The following PINX1 variants were observed in gnomAD, a reference collection of about 807,000 sequenced individuals.
PINX1 encodes PIN2 (TERF1) interacting telomerase inhibitor 1.
In PINX1, 34 loss-of-function variants were observed where a neutral mutation model predicts 25.4. That is an observed-to-expected ratio of 1.34 (90% CI 1.02 to 1.78). The LOEUF is 1.78. Ranked by LOEUF, PINX1 falls within the 40% of genes most tolerant of loss-of-function variation. The probability of loss-of-function intolerance (pLI) is 0.00; values close to 1 mark genes in which losing one functional copy is unlikely to be tolerated. For synonymous variants in PINX1, 197 were observed against 147.7 expected, an observed-to-expected ratio of 1.33 and a Z score of -2.42; for missense variants, 592 against 404.9, an observed-to-expected ratio of 1.46 and a Z score of -3.97.
At chr8:10,803,620 A>G (rs902108570) in intron 6 of PINX1, among the ~76,000 whole-genome samples, 1 of 152,184 alleles carries the variant, frequency 6.6e-6, no homozygotes, top group Admixed American at 6.5e-5. Context: ...TTTTCTGTGA[A>G]TGAAAAATAC....
intron 6 of PINX1, among the ~76,000 whole-genome samples, chr8:10,812,053 A>G (rs1261951659): frequency 6.6e-6 from 1 of 152,126 alleles, no homozygotes. Flanking sequence ...TACAGATAAA[A>G]TTGGAACACC....
At chr8:10,814,995 G>A (rs181470199) in intron 6 of PINX1, among the ~76,000 whole-genome samples, 16 of 152,224 alleles carry the variant, frequency 1.1e-4, no homozygotes, top group East Asian at 9.7e-4. Flanking sequence ...GCTGGAGTGC[G>A]ATGGCGTGAT....
intron 6 of PINX1, among the ~76,000 whole-genome samples, chr8:10,800,434 A>G (rs994785631): frequency 2.2e-4 from 33 of 152,026 alleles, no homozygotes; most frequent in African/African-American, 7.7e-4. Context: ...AAAACAATAG[A>G]ATGGAGTTTA....
chr8:10,828,793 G>C (rs191846673), intron 4 of PINX1, among the ~76,000 whole-genome samples: 1 of 152,230 alleles, frequency 6.6e-6, no homozygotes, highest in East Asian at 1.9e-4. Flanking sequence ...CTTTACAAAG[G>C]AAAGGCACAA....
intron 1 of PINX1, among the ~76,000 whole-genome samples, chr8:10,835,022 T>C (rs1337509463): frequency 1.3e-5 from 2 of 152,206 alleles, no homozygotes; most frequent in African/African-American, 2.4e-5. Context: ...TGTTCCCTCA[T>C]AATGTGGCAA....
chr8:10,802,405 A>G (rs1802294627), intron 6 of PINX1, among the ~76,000 whole-genome samples: 1 of 152,202 alleles, frequency 6.6e-6, no homozygotes, highest in African/African-American at 2.4e-5. Context: ...TATGAAGACA[A>G]CCTGCACTCT....
chr8:10,839,768 T>C lies in PINX1; in HGVS notation c.-12A>G. ...GCCAGCATAGACATGTCGGAGAGCC[T>C]GTGATACCGCCGCCTCTGGACCTGG... On this transcript the variant is annotated 5_prime_UTR_variant, in exon 1 of 7. Transcript: ENST00000314787. 4 of 1,601,696 alleles carry C rather than the reference T, an allele frequency of 2.5e-6. No individual in the cohort carries two copies. The highest frequency in any genetic ancestry group is 3.4e-6 in the Non-Finnish European group (4 of 1,174,024).
intron 1 of PINX1, 116 bp from the exon 2 acceptor site, chr8:10,834,891 AT>A: frequency 1.5e-6 from 1 of 662,926 alleles, no homozygotes; most frequent in Non-Finnish European, 2.6e-6. Flanking sequence ...TATGACATAC[AT>A]TACAATACAG....
chr8:10,784,349 A>G (rs1801683594), intron 6 of PINX1, among the ~76,000 whole-genome samples: 1 of 152,220 alleles, frequency 6.6e-6, no homozygotes, highest in Non-Finnish European at 1.5e-5. Flanking sequence ...CACAAATCCA[A>G]TCTAAAACTT....
intron 6 of PINX1, among the ~76,000 whole-genome samples, chr8:10,809,314 A>G (rs1032863486): frequency 5.9e-5 from 9 of 152,256 alleles, no homozygotes. Flanking sequence ...AAAGGCACAC[A>G]TGTCTTCAAG....
chr8:10,795,927 T>G (rs114843921), intron 6 of PINX1, among the ~76,000 whole-genome samples: 1 of 152,178 alleles, frequency 6.6e-6, no homozygotes, highest in Non-Finnish European at 1.5e-5. Flanking sequence ...GAACAAAGCT[T>G]TGTATGGATG....
chr8:10,795,028 G>C (rs889636653), intron 6 of PINX1, among the ~76,000 whole-genome samples: 1 of 152,072 alleles, frequency 6.6e-6, no homozygotes, highest in African/African-American at 2.4e-5. Context: ...CTTTTAAAAA[G>C]GACAAATATT....
At chr8:10,820,368 G>A in intron 5 of PINX1, 99 bp from the exon 6 acceptor site, 2 of 815,486 alleles carry the variant, frequency 2.5e-6, no homozygotes, top group East Asian at 2.6e-5. Context: ...ATGGCTTTTG[G>A]GAAAGAAAGA....
chr8:10,834,460 A>C, intron 2 of PINX1: 1 of 687,944 alleles, frequency 1.5e-6, no homozygotes, highest in Non-Finnish European at 2.3e-6. Context: ...AAAGATGCTA[A>C]GCATGGCAGC....
intron 6 of PINX1, among the ~76,000 whole-genome samples, chr8:10,768,852 T>A (rs1801140002): frequency 6.6e-6 from 1 of 152,224 alleles, no homozygotes; most frequent in Non-Finnish European, 1.5e-5. Context: ...ATACATCTTT[T>A]CAAGAAAACT....
At chr8:10,832,767 A>G in intron 3 of PINX1, 125 bp downstream of exon 3, 1 of 580,930 alleles carries the variant, frequency 1.7e-6, no homozygotes, top group Non-Finnish European at 3.1e-6. Flanking sequence ...AGTGTTCAAG[A>G]GGAAACGTGA....
chr8:10,804,862 G>A (rs1346015309), intron 6 of PINX1, among the ~76,000 whole-genome samples: 1 of 151,382 alleles, frequency 6.6e-6, no homozygotes. Context: ...CACAACCCTG[G>A]GTATGGGTTT....
intron 6 of PINX1, among the ~76,000 whole-genome samples, chr8:10,769,369 A>G (rs892248760): frequency 6.6e-6 from 1 of 152,222 alleles, no homozygotes; most frequent in African/African-American, 2.4e-5. Context: ...AGTGCATCAC[A>G]TGTGTCAAAA....
intron 6 of PINX1, among the ~76,000 whole-genome samples, chr8:10,790,122 C>T (rs568734381): frequency 1.0e-3 from 154 of 152,246 alleles, no homozygotes; most frequent in Non-Finnish European, 1.9e-3. Flanking sequence ...GTTCCCTCCT[C>T]ATCCCTTTCC....
Sources: gnomAD v4.1 joint callset for allele counts (sites outside exome capture counted in the v4.1 genomes callset) on GRCh38, gnomAD v4.1.1 for gene constraint, MANE v1.5 for transcripts, NCBI Gene and HGNC (gene_info 2026-07-23, HGNC 2026-07-21) for gene names.